PPM1L: variants seen among roughly 807,000 people sequenced by gnomAD.
PPM1L encodes the protein protein phosphatase 1L.
A neutral mutation model predicts 31.4 loss-of-function variants in PPM1L; 13 were observed. The ratio of observed to expected loss-of-function variants is 0.41; its 90% CI spans 0.27 to 0.66. The LOEUF is 0.66. PPM1L is among the 30% of genes least tolerant of loss of function. PPM1L has a pLI of 0.29. For missense variants in PPM1L, 326 were observed against 453.7 expected (o/e 0.72, Z 2.56); for synonymous variants, 184 against 175.4 (o/e 1.05, Z -0.39).
chr3:160,798,518 A>G (rs1357014163), intron 1 of PPM1L, among the ~76,000 whole-genome samples: 2 of 152,236 alleles, frequency 1.3e-5, no homozygotes, highest in African/African-American at 4.8e-5. Context: ...TCGAAATGGA[A>G]CAACAAAGCT....
intron 1 of PPM1L, among the ~76,000 whole-genome samples, chr3:160,774,723 C>T (rs1338520989): frequency 6.6e-6 from 1 of 152,210 alleles, no homozygotes; most frequent in Non-Finnish European, 1.5e-5. Flanking sequence ...AAGAGGATGT[C>T]TTGTCCTTAT....
intron 2 of PPM1L, among the ~76,000 whole-genome samples, chr3:161,024,591 G>A (rs1162443762): frequency 2.6e-5 from 4 of 151,786 alleles, no homozygotes; most frequent in Admixed American, 1.3e-4. Context: ...CCAGCTACTC[G>A]GGAGGCTGAG....
In PPM1L at chr3:160,884,996, C is replaced by T. The variant is rs564329328; in HGVS notation, c.400-76740C>T. Among the ~76,000 whole-genome samples, 127 of 152,244 alleles carry T rather than the reference C, an allele frequency of 8.3e-4. 1 individual carries two copies. The highest frequency in any genetic ancestry group is 2.6e-3 in the Admixed American group (40 of 15,294). The stretch of plus-strand genomic sequence containing the variant: ...TCTTCTTATGTTTGAAGTCAGTGTT[C>T]TTATTACCTGTGGAGCTTTTTCAAA... On this transcript the variant is annotated intron_variant, in intron 1 of 3. Coordinates refer to ENST00000498165, the MANE Select transcript of PPM1L (RefSeq NM_139245.4).
intron 1 of PPM1L, among the ~76,000 whole-genome samples, chr3:160,835,459 A>G (rs914191733): frequency 1.3e-5 from 2 of 152,152 alleles, no homozygotes; most frequent in African/African-American, 4.8e-5. Flanking sequence ...AAAATAACAT[A>G]CATAGCTCAC....
intron 2 of PPM1L, among the ~76,000 whole-genome samples, chr3:160,974,500 T>G (rs1716492541): frequency 6.6e-6 from 1 of 151,086 alleles, no homozygotes; most frequent in African/African-American, 2.4e-5. Context: ...AGTGTAAAAG[T>G]GTTCCTATTT....
chr3:160,858,091 A>G (rs1711775352), intron 1 of PPM1L, among the ~76,000 whole-genome samples: 1 of 152,170 alleles, frequency 6.6e-6, no homozygotes, highest in South Asian at 2.1e-4. Context: ...GGCAGAGTCT[A>G]TTGTTCTAAA....
chr3:161,026,719 T>A (rs1718406512), intron 2 of PPM1L, among the ~76,000 whole-genome samples: 1 of 150,468 alleles, frequency 6.6e-6, no homozygotes, highest in Non-Finnish European at 1.5e-5. Context: ...AAAAGAAAAT[T>A]GACAAGGAGA....
At position 160,889,594 on chromosome 3, in the gene PPM1L, C is replaced by T. The variant is rs146236387; in HGVS notation, c.400-72142C>T. Among the ~76,000 whole-genome samples, 838 of 152,296 alleles carry T rather than the reference C, an allele frequency of 5.5e-3. 9 individuals carry two copies. Among genetic ancestry groups the T allele is most frequent in the African/African-American group, 0.019 (800 of 41,548 alleles). On this transcript the variant is annotated intron_variant, in intron 1 of 3. Coordinates refer to ENST00000498165, the MANE Select transcript of PPM1L (RefSeq NM_139245.4). The stretch of plus-strand genomic sequence containing the variant: ...GGTACAAAGAGGAGCTGGTATCATT[C>T]CTTCTGAAACTATTCCAAACAGTTG...
intron 2 of PPM1L, among the ~76,000 whole-genome samples, chr3:161,019,538 T>C (rs1718183377): frequency 6.6e-6 from 1 of 152,126 alleles, no homozygotes; most frequent in Non-Finnish European, 1.5e-5. Flanking sequence ...TCTGGACACT[T>C]TTTGGTGAGG....
intron 2 of PPM1L, among the ~76,000 whole-genome samples, chr3:161,036,899 A>G (rs1039245153): frequency 2.6e-5 from 4 of 152,178 alleles, no homozygotes; most frequent in Admixed American, 1.3e-4. Context: ...CTTATTTACT[A>G]TATTTTTGTA....
chr3:160,917,862 A>G (rs1208134026), intron 1 of PPM1L, among the ~76,000 whole-genome samples: 1 of 142,826 alleles, frequency 7.0e-6, no homozygotes, highest in Non-Finnish European at 1.6e-5. Context: ...AAGACTTTAC[A>G]TTGTGATTAA....
At chr3:160,836,656 A>G (rs983370972) in intron 1 of PPM1L, among the ~76,000 whole-genome samples, 2 of 152,120 alleles carry the variant, frequency 1.3e-5, no homozygotes, top group Non-Finnish European at 2.9e-5. Context: ...CCTGCCTTGT[A>G]TATTGGTAGT....
chr3:160,788,418 C>A (rs1711998151), intron 1 of PPM1L, among the ~76,000 whole-genome samples: 1 of 151,956 alleles, frequency 6.6e-6, no homozygotes, highest in African/African-American at 2.4e-5. Context: ...TGGTTCATGT[C>A]TTTTGCCCAT....
At chr3:160,906,729 G>A (rs376226535) in intron 1 of PPM1L, among the ~76,000 whole-genome samples, 2 of 152,332 alleles carry the variant, frequency 1.3e-5, no homozygotes, top group South Asian at 4.1e-4. Context: ...CTGAAGGTTT[G>A]ATGGGGTGGA....
At chr3:161,000,364 C>T (rs775458298) in intron 2 of PPM1L, among the ~76,000 whole-genome samples, 4 of 152,146 alleles carry the variant, frequency 2.6e-5, no homozygotes, top group African/African-American at 9.7e-5. Context: ...CAGGAGCACA[C>T]ACAAAGTTTG....
At chr3:160,947,123 T>C (rs935013320) in intron 1 of PPM1L, among the ~76,000 whole-genome samples, 1 of 152,208 alleles carries the variant, frequency 6.6e-6, no homozygotes, top group Non-Finnish European at 1.5e-5. Flanking sequence ...TCATTAGGCC[T>C]AACCTTGTTC....
intron 2 of PPM1L, among the ~76,000 whole-genome samples, chr3:160,964,152 T>C (rs112490452): frequency 0.017 from 2,619 of 152,068 alleles, 80 homozygotes; most frequent in African/African-American, 0.059. Context: ...CTTAAACCAG[T>C]GTAAAGTACA....
intron 3 of PPM1L, among the ~76,000 whole-genome samples, chr3:161,068,287 C>G (rs1719801175): frequency 6.6e-6 from 1 of 152,192 alleles, no homozygotes; most frequent in South Asian, 2.1e-4. Flanking sequence ...AGCCAGGAAT[C>G]ACATTCAAGT....
At chr3:160,802,486 C>T (rs1712460199) in intron 1 of PPM1L, among the ~76,000 whole-genome samples, 1 of 152,174 alleles carries the variant, frequency 6.6e-6, no homozygotes, top group South Asian at 2.1e-4. Flanking sequence ...AACAGGGTCT[C>T]ATTTGATCGT....
Sources: allele counts gnomAD v4.1 joint callset (sites outside exome capture counted in the v4.1 genomes callset), GRCh38; gene constraint gnomAD v4.1.1; transcripts MANE v1.5; gene names NCBI Gene and HGNC (gene_info 2026-07-23, HGNC 2026-07-21).